The following FNIP2 variants were observed in gnomAD, a reference collection of about 807,000 sequenced individuals.
The protein encoded by FNIP2 is folliculin interacting protein 2.
A neutral mutation model predicts 108.7 loss-of-function variants in FNIP2; 32 were observed. The observed-to-expected ratio is 0.29, with a 90% CI of 0.22 to 0.40. The LOEUF (loss-of-function observed/expected upper bound fraction) is 0.40. FNIP2 is among the 10% of genes least tolerant of loss of function. The pLI, the probability that FNIP2 is intolerant of heterozygous loss-of-function variation, is 1.00. For synonymous variants in FNIP2, 480 were observed against 496.7 expected (o/e 0.97, Z 0.45); for missense variants, 1,202 against 1,381.6 (o/e 0.87, Z 2.06).
chr4:158,872,544 A>C, intron 14 of FNIP2: 1 of 985,438 alleles, frequency 1.0e-6, no homozygotes, highest in Non-Finnish European at 1.2e-6. Context: ...GTACATCCAA[A>C]GTGCAGCCAT....
Position 158,831,869 on chromosome 4 carries a change from A to T in FNIP2, c.390A>T (p.Arg130Ser). Residue 130 changes from arginine to serine, a missense_variant, in exon 4 of 17, where the codon AGA (arginine) becomes AGT (serine). Arg to Ser is a moderately radical substitution (Grantham distance 110, BLOSUM62 -1). Coordinates refer to ENST00000264433, the MANE Select transcript of FNIP2 (RefSeq NM_020840.3). ...TGTTTTCTTGCATGTAGTACACAAG[A>T]CCAGCTTCCGATGTCAACATGTTAG... Reference protein sequence around the residue: ...KEQLPKYQYTRPASDVNMLGE... With the variant: ...KEQLPKYQYTSPASDVNMLGE... 1 of 1,610,584 alleles carries T rather than the reference A, an allele frequency of 6.2e-7. No homozygotes were observed. Among genetic ancestry groups the T allele is most frequent in the South Asian group, 1.1e-5 (1 of 90,202 alleles).
Position 158,906,248 on chromosome 4 carries a change from C to G in FNIP2, c.*1704C>G, listed in dbSNP as rs1729835663. The G allele has an allele frequency of 6.6e-6, 1 of 152,182 alleles. No individual in the cohort carries two copies. Among genetic ancestry groups the G allele is most frequent in the South Asian group, 2.1e-4 (1 of 4,834 alleles). The allele number at this position is 152,182 out of a possible 1,614,324, so 9.4% of individuals were successfully genotyped here. ...GAGAGAAGGAACCTCACCTGTGGCT[C>G]AGCTCACCCCACATCCGTTTCTCAT... On this transcript the variant is annotated 3_prime_UTR_variant, in exon 17 of 17. Transcript: ENST00000264433.
rs756557465 is a variant in FNIP2 at position 158,901,954 on chromosome 4, T to TTTG, written c.3267-2509_3267-2507dup. On this transcript the variant is annotated intron_variant, in intron 16 of 16. Coordinates refer to ENST00000264433, the MANE Select transcript of FNIP2 (RefSeq NM_020840.3). ...AACATGCTTCTTTAGCTCAGAGGAGTTTGTTATTACCCACCTTCTGAAGCC... is the reference window on the plus strand; with the variant it reads ...AACATGCTTCTTTAGCTCAGAGGAGTTTGTTGTTATTACCCACCTTCTGAAGCC... Among the ~76,000 whole-genome samples, 10 of 151,958 alleles carry TTTG rather than the reference T, an allele frequency of 6.6e-5. 1 individual carries two copies. The highest frequency in any genetic ancestry group is 6.8e-3 in the Middle Eastern group (2 of 292).
At chr4:158,820,221 T>C (rs1011011671) in intron 1 of FNIP2, among the ~76,000 whole-genome samples, 2 of 152,200 alleles carry the variant, frequency 1.3e-5, no homozygotes, top group African/African-American at 2.4e-5. Context: ...AAACTTATTT[T>C]TGACTGTGTG....
chr4:158,803,746 T>TA (rs1776839581), intron 1 of FNIP2, among the ~76,000 whole-genome samples: 1 of 152,234 alleles, frequency 6.6e-6, no homozygotes, highest in Non-Finnish European at 1.5e-5. Context: ...TCTGTTAAGA[T>TA]ATCATGTTGG....
In FNIP2 at chr4:158,852,497, C is replaced by T. The variant is rs1038540180; in HGVS notation, c.857+1047C>T. ...GTGTGAACACAAGTCCTAGCTCTGTCACTCACTAGATGTCTGATAGAATAA... is the reference window on the plus strand; with the variant it reads ...GTGTGAACACAAGTCCTAGCTCTGTTACTCACTAGATGTCTGATAGAATAA... On this transcript the variant is annotated intron_variant, in intron 8 of 16. Coordinates refer to ENST00000264433, the MANE Select transcript of FNIP2 (RefSeq NM_020840.3). 3.9e-5 allele frequency among the ~76,000 whole-genome samples: 6 copies of T among 152,218 alleles called. No homozygotes were observed. In the East Asian group the frequency reaches 1.2e-3, roughly 29 times the overall value.
At chr4:158,894,849 T>C (rs1049670193) in intron 15 of FNIP2, among the ~76,000 whole-genome samples, 2 of 152,214 alleles carry the variant, frequency 1.3e-5, no homozygotes, top group African/African-American at 4.8e-5. Flanking sequence ...CTGAAAAGAT[T>C]GCATCTCTGA....
intron 7 of FNIP2, chr4:158,835,949 A>C (rs1778772105): frequency 6.6e-6 from 1 of 152,402 alleles, no homozygotes; most frequent in South Asian, 2.1e-4. Context: ...CCTTTCTGTT[A>C]CTGCTTTTAG....
intron 1 of FNIP2, among the ~76,000 whole-genome samples, chr4:158,796,623 A>G (rs987866973): frequency 1.3e-5 from 2 of 152,232 alleles, no homozygotes; most frequent in Non-Finnish European, 2.9e-5. Flanking sequence ...CTATGAGTTT[A>G]GCAACTCAAA....
chr4:158,791,947 T>C (rs903430201), intron 1 of FNIP2, among the ~76,000 whole-genome samples: 3 of 152,224 alleles, frequency 2.0e-5, no homozygotes, highest in African/African-American at 7.2e-5. Flanking sequence ...AGTGGTGATC[T>C]GGAGAAATTA....
chr4:158,886,499 T>C (rs1782032020), intron 14 of FNIP2, among the ~76,000 whole-genome samples: 2 of 152,198 alleles, frequency 1.3e-5, no homozygotes, highest in African/African-American at 4.8e-5. Context: ...CAGCTCTGCA[T>C]TGATACCCTG....
At chr4:158,786,587 C>T (rs1358457644) in intron 1 of FNIP2, among the ~76,000 whole-genome samples, 1 of 152,040 alleles carries the variant, frequency 6.6e-6, no homozygotes, top group Admixed American at 6.6e-5. Context: ...TGAACAAACC[C>T]AGGACTTGAA....
intron 7 of FNIP2, among the ~76,000 whole-genome samples, chr4:158,838,469 C>T (rs747591016): frequency 2.0e-5 from 3 of 152,162 alleles, no homozygotes; most frequent in African/African-American, 7.2e-5. Flanking sequence ...AGTCCACCCA[C>T]CTTAGCCTCC....
At chr4:158,857,729 G>T (rs1478007876) in intron 8 of FNIP2, among the ~76,000 whole-genome samples, 3 of 150,082 alleles carry the variant, frequency 2.0e-5, no homozygotes, top group African/African-American at 7.4e-5. Context: ...GATCACTTGA[G>T]CCCAGGAGTT....
intron 14 of FNIP2, among the ~76,000 whole-genome samples, chr4:158,883,386 C>T (rs1781817299): frequency 6.6e-6 from 1 of 151,818 alleles, no homozygotes; most frequent in African/African-American, 2.4e-5. Context: ...GGACTACAGG[C>T]GCCCGCCACT....
At chr4:158,803,174 GTAA>G (rs1776818463) in intron 1 of FNIP2, among the ~76,000 whole-genome samples, 1 of 152,168 alleles carries the variant, frequency 6.6e-6, no homozygotes, top group African/African-American at 2.4e-5. Context: ...TTGTAAATGT[GTAA>G]ACTTTGGATA....
intron 8 of FNIP2, among the ~76,000 whole-genome samples, chr4:158,852,104 G>A (rs1055818653): frequency 4.6e-5 from 7 of 152,150 alleles, no homozygotes; most frequent in South Asian, 2.1e-4. Context: ...CTCAACATAC[G>A]TAGAGATCCG....
chr4:158,893,712 C>A, intron 15 of FNIP2: 1 of 1,585,652 alleles, frequency 6.3e-7, no homozygotes, highest in African/African-American at 1.3e-5. Flanking sequence ...GTTAATGTTT[C>A]CTTTTCTGTA....
Position 158,769,145 on chromosome 4 carries a change from C to G in FNIP2, c.-68C>G, listed in dbSNP as rs1775603378. The G allele has an allele frequency of 1.3e-6, 1 of 754,294 alleles. No individual in the cohort carries two copies. The allele number at this position is 754,294 out of a possible 1,614,324, so 46.7% of individuals were successfully genotyped here. On this transcript the variant is annotated 5_prime_UTR_variant, in exon 1 of 17. Coordinates refer to ENST00000264433, the MANE Select transcript of FNIP2 (RefSeq NM_020840.3). ...CGCGATGGCCCCGCCACCGCGGCCG[C>G]CGCCCCCGGCTGCGCGCTGAGCCGC... is the stretch of plus-strand genomic sequence containing the variant.
Sources: allele counts gnomAD v4.1 joint callset (sites outside exome capture counted in the v4.1 genomes callset), GRCh38; gene constraint gnomAD v4.1.1; transcripts MANE v1.5; gene names NCBI Gene and HGNC (gene_info 2026-07-23, HGNC 2026-07-21).